RIMS1: variants seen among roughly 807,000 people sequenced by gnomAD.
The protein encoded by RIMS1 is regulating synaptic membrane exocytosis 1.
Under a neutral mutation model 214.1 loss-of-function variants are expected in RIMS1, and 83 were observed. The ratio of observed to expected loss-of-function variants is 0.39; its 90% CI spans 0.32 to 0.47. The LOEUF (loss-of-function observed/expected upper bound fraction) is 0.47. RIMS1 is among the 20% of genes least tolerant of loss of function. The pLI is 0.99. For missense variants in RIMS1, 2,050 were observed against 2,161.8 expected, an observed-to-expected ratio of 0.95 and a Z score of 1.03; for synonymous variants, 793 against 786.8, an observed-to-expected ratio of 1.01 and a Z score of -0.13.
chr6:71,976,185 T>C (rs770400284), intron 2 of RIMS1, among the ~76,000 whole-genome samples: 3 of 151,990 alleles, frequency 2.0e-5, no homozygotes, highest in Non-Finnish European at 4.4e-5. Flanking sequence ...AATAAGAGAA[T>C]TCCAATTTCC....
chr6:72,182,140 C>A, intron 5 of RIMS1, 144 bp from the exon 6 acceptor site: 1 of 825,840 alleles, frequency 1.2e-6, no homozygotes, highest in Non-Finnish European at 1.8e-6. Flanking sequence ...AATTCCAACA[C>A]CCTTACAGTT....
chr6:72,357,390 C>T (rs913654233), intron 29 of RIMS1, among the ~76,000 whole-genome samples: 1 of 152,166 alleles, frequency 6.6e-6, no homozygotes, highest in African/African-American at 2.4e-5. Flanking sequence ...GCACCAGCCT[C>T]TCATCCTGGG....
chr6:72,094,893 G>C (rs2030810201), intron 2 of RIMS1, among the ~76,000 whole-genome samples: 2 of 151,588 alleles, frequency 1.3e-5, no homozygotes, highest in African/African-American at 4.8e-5. Flanking sequence ...TCTCTGCTTA[G>C]AGTTTCCTTG....
At chr6:71,998,704 T>C (rs1388432484) in intron 2 of RIMS1, among the ~76,000 whole-genome samples, 4 of 152,202 alleles carry the variant, frequency 2.6e-5, no homozygotes, top group African/African-American at 9.7e-5. Flanking sequence ...AGATCTATTT[T>C]TGAATACTAT....
intron 4 of RIMS1, among the ~76,000 whole-genome samples, chr6:72,151,954 T>C (rs552158058): frequency 7.9e-5 from 12 of 152,084 alleles, no homozygotes; most frequent in South Asian, 2.1e-4. Flanking sequence ...CATGGCCAGA[T>C]TGAGAACAAA....
chr6:72,383,155 CTCT>C (rs1205033903), intron 29 of RIMS1, among the ~76,000 whole-genome samples: 8 of 152,172 alleles, frequency 5.3e-5, no homozygotes, highest in South Asian at 4.1e-4. Context: ...CTCTCCCCTT[CTCT>C]TCTTCTCTTC....
intron 29 of RIMS1, among the ~76,000 whole-genome samples, chr6:72,352,776 T>G (rs921748765): frequency 6.6e-6 from 1 of 152,016 alleles, no homozygotes; most frequent in Non-Finnish European, 1.5e-5. Context: ...TCATTCCTAT[T>G]AATGCTCTAT....
chr6:72,113,986 T>A (rs529077799), intron 4 of RIMS1, among the ~76,000 whole-genome samples: 3 of 152,214 alleles, frequency 2.0e-5, no homozygotes, highest in East Asian at 3.9e-4. Context: ...GAGACTGTTT[T>A]ATGAACTATA....
At chr6:72,378,195 C>A (rs1426380237) in intron 29 of RIMS1, among the ~76,000 whole-genome samples, 11 of 152,148 alleles carry the variant, frequency 7.2e-5, no homozygotes, top group Non-Finnish European at 1.5e-5. Flanking sequence ...TCTCCTAGAT[C>A]AATTGTACTT....
At chr6:72,250,195 T>A (rs1364650879) in intron 12 of RIMS1, 135 bp from the exon 13 acceptor site, 1 of 808,492 alleles carries the variant, frequency 1.2e-6, no homozygotes, top group Non-Finnish European at 1.9e-6. Context: ...AATTGGTGTG[T>A]TTTTAGAAAT....
At chr6:72,144,474 A>G (rs887084931) in intron 4 of RIMS1, among the ~76,000 whole-genome samples, 20 of 152,168 alleles carry the variant, frequency 1.3e-4, no homozygotes, top group African/African-American at 4.3e-4. Context: ...AGACGTAGAC[A>G]TTTATCAAAA....
chr6:72,249,760 C>T (rs1047808560), intron 12 of RIMS1, among the ~76,000 whole-genome samples: 2 of 151,942 alleles, frequency 1.3e-5, no homozygotes, highest in Admixed American at 1.3e-4. Flanking sequence ...CAGAGTGAGA[C>T]CATGTCTCTA....
intron 2 of RIMS1, among the ~76,000 whole-genome samples, chr6:72,021,613 C>A (rs1814708201): frequency 6.6e-6 from 1 of 152,112 alleles, no homozygotes; most frequent in Non-Finnish European, 1.5e-5. Flanking sequence ...TTATATTTGT[C>A]TTGGAGTAGT....
intron 23 of RIMS1, among the ~76,000 whole-genome samples, chr6:72,282,588 T>C (rs943349707): frequency 1.3e-5 from 2 of 152,078 alleles, no homozygotes; most frequent in Non-Finnish European, 2.9e-5. Context: ...CTGTATAGTA[T>C]AGAACAGAAA....
At chr6:72,115,957 A>T (rs2153824797) in intron 4 of RIMS1, among the ~76,000 whole-genome samples, 1 of 152,098 alleles carries the variant, frequency 6.6e-6, no homozygotes, top group Middle Eastern at 3.4e-3. Flanking sequence ...GACTATGGCT[A>T]GCAGAAATAA....
At chr6:72,314,862 A>G (rs1222059390) in intron 28 of RIMS1, among the ~76,000 whole-genome samples, 1 of 152,156 alleles carries the variant, frequency 6.6e-6, no homozygotes, top group African/African-American at 2.4e-5. Context: ...ACTGAAAACA[A>G]TTTGAAGTAA....
chr6:71,994,788 T>C (rs1429531456), intron 2 of RIMS1, among the ~76,000 whole-genome samples: 1 of 152,172 alleles, frequency 6.6e-6, no homozygotes, highest in Non-Finnish European at 1.5e-5. Flanking sequence ...GAGTTATAAT[T>C]TCTCCCTTAA....
intron 29 of RIMS1, among the ~76,000 whole-genome samples, chr6:72,361,092 CTTTCTTTT>C (rs2097798114): frequency 4.5e-5 from 2 of 43,958 alleles, no homozygotes; most frequent in African/African-American, 8.5e-5. Context: ...ACGGGTCTTT[CTTTCTTTT>C]TTTTTTTTTT....
intron 28 of RIMS1, among the ~76,000 whole-genome samples, chr6:72,319,023 A>T (rs1049012791): frequency 1.7e-4 from 26 of 151,570 alleles, no homozygotes; most frequent in Admixed American, 6.6e-5. Flanking sequence ...ACCATTTTTT[A>T]AAATTTTTTT....
Sources: gnomAD v4.1 joint callset for allele counts (sites outside exome capture counted in the v4.1 genomes callset) on GRCh38, gnomAD v4.1.1 for gene constraint, MANE v1.5 for transcripts, NCBI Gene and HGNC (gene_info 2026-07-23, HGNC 2026-07-21) for gene names.